Variants in NFIB observed in about 807,000 individuals in gnomAD.
NFIB encodes the protein nuclear factor 1 B-type.
In NFIB, 11 loss-of-function variants were observed where a neutral mutation model predicts 61.5. That is an observed-to-expected ratio of 0.18 (90% CI 0.11 to 0.30). The LOEUF (loss-of-function observed/expected upper bound fraction) is 0.30, where lower values mean the gene tolerates loss of function less well. Ranked by LOEUF, NFIB falls within the 10% of genes least tolerant of loss-of-function variation. NFIB has a pLI of 1.00. For missense variants in NFIB, 471 were observed against 608.9 expected, an observed-to-expected ratio of 0.77 and a Z score of 2.38; for synonymous variants, 260 against 216.5, an observed-to-expected ratio of 1.20 and a Z score of -1.76.
the NFIB span, among the ~76,000 whole-genome samples, chr9:14,527,104 A>G: frequency 1.3e-5 from 2 of 152,184 alleles, no homozygotes; most frequent in Non-Finnish European, 2.9e-5. Context: ...ATTTTACCAC[A>G]TCTTCATATA....
At chr9:14,420,115 C>T in the NFIB span, among the ~76,000 whole-genome samples, 2 of 152,096 alleles carry the variant, frequency 1.3e-5, no homozygotes, top group Admixed American at 6.5e-5. Context: ...CATGTGAACT[C>T]TGGCTTCAGT....
chr9:14,263,995 GA>G (rs1488740320), intron 2 of NFIB, among the ~76,000 whole-genome samples: 3 of 152,176 alleles, frequency 2.0e-5, no homozygotes, highest in Non-Finnish European at 4.4e-5. Flanking sequence ...TGACAGGGCA[GA>G]ACAATTGCCC....
chr9:14,198,671 A>G (rs2048702292), intron 2 of NFIB, among the ~76,000 whole-genome samples: 1 of 152,216 alleles, frequency 6.6e-6, no homozygotes, highest in South Asian at 2.1e-4. Flanking sequence ...GGACTCGTAC[A>G]GCAATGCTGG....
At chr9:14,226,218 T>G (rs952481085) in intron 2 of NFIB, among the ~76,000 whole-genome samples, 2 of 152,160 alleles carry the variant, frequency 1.3e-5, no homozygotes, top group Non-Finnish European at 2.9e-5. Flanking sequence ...GATAACTTTT[T>G]TTTGGCTAAA....
At chr9:14,105,544 C>A (rs1471395677) in intron 10 of NFIB, among the ~76,000 whole-genome samples, 1 of 152,070 alleles carries the variant, frequency 6.6e-6, no homozygotes, top group Non-Finnish European at 1.5e-5. Flanking sequence ...AATTAATAAA[C>A]CTTCTTGGTC....
intron 1 of NFIB, among the ~76,000 whole-genome samples, chr9:14,323,028 T>G (rs1017742756): frequency 3.9e-5 from 6 of 152,180 alleles, no homozygotes; most frequent in Non-Finnish European, 8.8e-5. Context: ...AATAAGGAAT[T>G]GCTGTTACTT....
At chr9:14,377,801 C>T (rs10961493) in intron 1 of NFIB, among the ~76,000 whole-genome samples, 12,238 of 152,246 alleles carry the variant, frequency 0.08, 745 homozygotes, top group East Asian at 0.23. Context: ...CTTCTCTCTT[C>T]TTTTCTTTGG....
At chr9:14,328,241 C>T (rs1050452194) in intron 1 of NFIB, among the ~76,000 whole-genome samples, 4 of 152,106 alleles carry the variant, frequency 2.6e-5, no homozygotes, top group Non-Finnish European at 5.9e-5. Flanking sequence ...ACCTCCAGAC[C>T]CAAGGGATCC....
intron 2 of NFIB, among the ~76,000 whole-genome samples, chr9:14,195,869 G>A (rs2048413123): frequency 6.6e-6 from 1 of 151,940 alleles, no homozygotes; most frequent in South Asian, 2.1e-4. Context: ...AAAGGGGGTG[G>A]GGTATTTAAG....
the NFIB span, among the ~76,000 whole-genome samples, chr9:14,487,219 T>C: frequency 6.6e-6 from 1 of 152,206 alleles, no homozygotes; most frequent in African/African-American, 2.4e-5. Flanking sequence ...TTTGCCTTTC[T>C]TCCCTTCATG....
At chr9:14,388,037 T>C (rs1052269638) in intron 1 of NFIB, among the ~76,000 whole-genome samples, 15 of 152,074 alleles carry the variant, frequency 9.9e-5, no homozygotes, top group African/African-American at 3.6e-4. Flanking sequence ...CAAGAAGATG[T>C]ACAAAAATGT....
At chr9:14,492,038 C>T in the NFIB span, among the ~76,000 whole-genome samples, 152 of 152,182 alleles carry the variant, frequency 1.0e-3, no homozygotes, top group African/African-American at 3.5e-3. Context: ...TCTCATGCTG[C>T]TATGAAGAAA....
At chr9:14,196,328 A>G (rs1303293641) in intron 2 of NFIB, among the ~76,000 whole-genome samples, 3 of 152,150 alleles carry the variant, frequency 2.0e-5, no homozygotes, top group Non-Finnish European at 4.4e-5. Flanking sequence ...AATCAAAGAG[A>G]GCTTTAAAAA....
intron 6 of NFIB, among the ~76,000 whole-genome samples, chr9:14,139,073 C>T (rs1376736882): frequency 6.6e-6 from 1 of 152,038 alleles, no homozygotes; most frequent in African/African-American, 2.4e-5. Context: ...GGAAGACTTG[C>T]GAAGCAGTGT....
the NFIB span, among the ~76,000 whole-genome samples, chr9:14,416,714 T>A: frequency 2.0e-5 from 3 of 151,508 alleles, no homozygotes; most frequent in African/African-American, 7.3e-5. Flanking sequence ...AAAGAAAAAA[T>A]TTTAATATAA....
At chr9:14,119,660 G>A (rs1487884731) in intron 8 of NFIB, among the ~76,000 whole-genome samples, 1 of 152,130 alleles carries the variant, frequency 6.6e-6, no homozygotes, top group African/African-American at 2.4e-5. Context: ...AAGCAGCAAA[G>A]CTAAATATCA....
At chr9:14,245,103 T>C (rs753892250) in intron 2 of NFIB, among the ~76,000 whole-genome samples, 3 of 152,200 alleles carry the variant, frequency 2.0e-5, no homozygotes, top group African/African-American at 4.8e-5. Context: ...CAGACCTGTA[T>C]TTTCATTTGC....
At chr9:14,517,284 C>G in the NFIB span, among the ~76,000 whole-genome samples, 5 of 152,240 alleles carry the variant, frequency 3.3e-5, no homozygotes. Context: ...GGGGCAGAAA[C>G]TCAATGTGTT....
the NFIB span, among the ~76,000 whole-genome samples, chr9:14,515,100 G>A: frequency 6.6e-6 from 1 of 152,024 alleles, no homozygotes; most frequent in Admixed American, 6.6e-5. Context: ...CTAGAATTGG[G>A]GGCTGGGATG....
Sources: allele counts gnomAD v4.1 joint callset (sites outside exome capture counted in the v4.1 genomes callset), GRCh38; gene constraint gnomAD v4.1.1; transcripts MANE v1.5; gene names NCBI Gene and HGNC (gene_info 2026-07-23, HGNC 2026-07-21).